Variants in TENM3 observed in about 807,000 individuals in gnomAD.
TENM3 encodes the protein teneurin transmembrane protein 3.
TENM3 carries 63 observed loss-of-function variants against 255.1 expected under a neutral mutation model. The ratio of observed to expected loss-of-function variants is 0.25; its 90% CI spans 0.20 to 0.30. The LOEUF (loss-of-function observed/expected upper bound fraction) is 0.30. Among genes scored for constraint, TENM3 ranks in the 10% least tolerant of loss-of-function variants. TENM3 has a pLI of 1.00. For missense variants in TENM3, 2,929 were observed against 3,461.1 expected (o/e 0.85, Z 3.86); for synonymous variants, 1,306 against 1,322.3 (o/e 0.99, Z 0.27).
intron 3 of TENM3, among the ~76,000 whole-genome samples, chr4:182,448,516 C>G (rs1393032285): frequency 6.6e-6 from 1 of 152,202 alleles, no homozygotes; most frequent in Non-Finnish European, 1.5e-5. Flanking sequence ...GGTGGCAGAG[C>G]AGGGGTCGGG....
intron 1 of TENM3, among the ~76,000 whole-genome samples, chr4:182,316,726 T>G (rs1762771219): frequency 6.6e-6 from 1 of 152,224 alleles, no homozygotes; most frequent in Non-Finnish European, 1.5e-5. Flanking sequence ...ATCAGTACTC[T>G]GTGGAACACC....
At chr4:182,764,291 TTCAG>T (rs1439904322) in intron 22 of TENM3, among the ~76,000 whole-genome samples, 4 of 152,376 alleles carry the variant, frequency 2.6e-5, no homozygotes, top group Non-Finnish European at 2.9e-5. Flanking sequence ...TGCTCATTCA[TTCAG>T]TAAGAATTTA....
chr4:182,070,515 G>T, the TENM3 span, among the ~76,000 whole-genome samples: 4 of 152,160 alleles, frequency 2.6e-5, no homozygotes, highest in African/African-American at 9.7e-5. Flanking sequence ...TACTTGGGAG[G>T]GTGAGGCAGG....
intron 1 of TENM3, among the ~76,000 whole-genome samples, chr4:182,158,639 G>A (rs62352027): frequency 0.1 from 15,894 of 152,168 alleles, 1,057 homozygotes; most frequent in South Asian, 0.21. Flanking sequence ...GGGAGGGAAC[G>A]GGTTAAGAGG....
chr4:182,778,564 A>C (rs1319032063), intron 24 of TENM3, among the ~76,000 whole-genome samples: 1 of 152,058 alleles, frequency 6.6e-6, no homozygotes, highest in Non-Finnish European at 1.5e-5. Context: ...GCCCTTCCTT[A>C]CTTCCCCCCA....
At chr4:181,627,031 G>A in the TENM3 span, among the ~76,000 whole-genome samples, 14 of 152,138 alleles carry the variant, frequency 9.2e-5, no homozygotes, top group Non-Finnish European at 1.8e-4. Flanking sequence ...CGTTAACAAG[G>A]TTTCCCTGCA....
At chr4:182,400,849 GA>G (rs774419010) in intron 3 of TENM3, among the ~76,000 whole-genome samples, 11 of 152,102 alleles carry the variant, frequency 7.2e-5, no homozygotes, top group Admixed American at 5.2e-4. Flanking sequence ...GATTATGTAG[GA>G]ATATCCTGTT....
At chr4:181,647,366 GAATTGGGTAAA>G in the TENM3 span, among the ~76,000 whole-genome samples, 4 of 152,318 alleles carry the variant, frequency 2.6e-5, no homozygotes, top group Admixed American at 2.0e-4. Context: ...TCAGTTTTGA[GAATTGGGTAAA>G]AATATCTATT....
chr4:181,740,552 C>A, the TENM3 span, among the ~76,000 whole-genome samples: 259 of 151,804 alleles, frequency 1.7e-3, no homozygotes, highest in African/African-American at 5.9e-3. Context: ...ATAAGTGATA[C>A]AACAAAATGA....
In TENM3 at chr4:182,446,829, A is replaced by G. The variant is rs17073313; in HGVS notation, c.511+99900A>G. On this transcript the variant is annotated intron_variant, in intron 3 of 27. Transcript: ENST00000511685. ...TCAAAGATTCCAATTGAACAACATC[A>G]TCTTCATCCTCTGCCCTAGTTATAT... Among the ~76,000 whole-genome samples, 606 of 152,220 alleles carry G rather than the reference A, an allele frequency of 4.0e-3. 30 individuals carry two copies. The East Asian group carries it at 0.089, about 22-fold the overall frequency.
At chr4:181,670,113 T>A in the TENM3 span, among the ~76,000 whole-genome samples, 277 of 152,334 alleles carry the variant, frequency 1.8e-3, 6 homozygotes, top group Admixed American at 0.016. Context: ...ATTTGACTTC[T>A]AGAAATTGAT....
At chr4:182,131,831 C>T in the TENM3 span, among the ~76,000 whole-genome samples, 2 of 152,198 alleles carry the variant, frequency 1.3e-5, no homozygotes, top group East Asian at 1.9e-4. Context: ...CTAAGGTGTT[C>T]TAGTGGACAG....
the TENM3 span, among the ~76,000 whole-genome samples, chr4:181,537,316 G>C: frequency 2.0e-5 from 3 of 152,042 alleles, no homozygotes; most frequent in Non-Finnish European, 4.4e-5. Flanking sequence ...TTTCTGAAAA[G>C]AGCTTCTACA....
chr4:182,239,790 C>T (rs1206994006), upstream of TENM3, among the ~76,000 whole-genome samples: 5 of 140,476 alleles, frequency 3.6e-5, no homozygotes, highest in African/African-American at 1.5e-4. Flanking sequence ...CCCAAATAAT[C>T]GCAAAAAAAG....
chr4:182,311,930 T>C (rs1762473704), intron 1 of TENM3, among the ~76,000 whole-genome samples: 1 of 152,194 alleles, frequency 6.6e-6, no homozygotes, highest in Non-Finnish European at 1.5e-5. Flanking sequence ...AAACTTGCTT[T>C]TCTCTCATTA....
At chr4:181,820,919 A>T in the TENM3 span, among the ~76,000 whole-genome samples, 2 of 152,228 alleles carry the variant, frequency 1.3e-5, no homozygotes, top group African/African-American at 4.8e-5. Flanking sequence ...TCTAAATTTT[A>T]AAGGTGCTCA....
upstream of TENM3, among the ~76,000 whole-genome samples, chr4:182,140,679 G>A (rs960246694): frequency 1.3e-5 from 2 of 152,164 alleles, no homozygotes; most frequent in Non-Finnish European, 2.9e-5. Flanking sequence ...AGTGGCTGCG[G>A]AGACCCTCGA....
At position 182,514,650 on chromosome 4, in the gene TENM3, T is replaced by C. The variant is rs115892304; in HGVS notation, c.512-86274T>C. Reference sequence around the variant, plus strand: ...ATAGTTTCTGTCTGTGCCATTCATTTTGTTTCATTTTTTGTGTGTGCTGTA... The same window carrying C: ...ATAGTTTCTGTCTGTGCCATTCATTCTGTTTCATTTTTTGTGTGTGCTGTA... On this transcript the variant is annotated intron_variant, in intron 3 of 27. Transcript: ENST00000511685. 8.5e-3 allele frequency among the ~76,000 whole-genome samples: 1,293 copies of C among 152,338 alleles called. 10 individuals are homozygous for C. The highest frequency in any genetic ancestry group is 0.014 in the Non-Finnish European group (949 of 68,030).
intron 3 of TENM3, among the ~76,000 whole-genome samples, chr4:182,537,781 C>G (rs1032028968): frequency 4.6e-5 from 7 of 152,088 alleles, no homozygotes; most frequent in African/African-American, 1.7e-4. Context: ...GTTTGTGTCC[C>G]TGTCTCTGTG....
Sources: allele counts gnomAD v4.1 joint callset (sites outside exome capture counted in the v4.1 genomes callset), GRCh38; gene constraint gnomAD v4.1.1; transcripts MANE v1.5; gene names NCBI Gene and HGNC (gene_info 2026-07-23, HGNC 2026-07-21).